KIAA1671: variants seen among roughly 807,000 people sequenced by gnomAD.
KIAA1671 encodes uncharacterized protein KIAA1671.
KIAA1671 carries 52 observed loss-of-function variants against 131.2 expected under a neutral mutation model. That is an observed-to-expected ratio of 0.40 (90% CI 0.32 to 0.50). The LOEUF (loss-of-function observed/expected upper bound fraction) is 0.50, where lower values mean the gene tolerates loss of function less well. Ranked by LOEUF, KIAA1671 falls within the 20% of genes least tolerant of loss-of-function variation. The pLI, the probability that KIAA1671 is intolerant of heterozygous loss-of-function variation, is 0.73. For missense variants in KIAA1671, 2,360 were observed against 2,364.2 expected (o/e 1.00, Z 0.04); for synonymous variants, 1,003 against 961.6 (o/e 1.04, Z -0.80).
At chr22:25,180,483 A>T (rs1934228472) in intron 9 of KIAA1671, among the ~76,000 whole-genome samples, 1 of 152,112 alleles carries the variant, frequency 6.6e-6, no homozygotes, top group East Asian at 1.9e-4. Context: ...GGTTGCAGGG[A>T]GCCGAGATCG....
At position 25,040,080 on chromosome 22, in the gene KIAA1671, G is replaced by A. The variant is rs966675249; in HGVS notation, c.2950G>A (p.Ala984Thr). The A allele has an allele frequency of 3.0e-5, 46 of 1,551,620 alleles. No homozygotes were observed. The highest frequency in any genetic ancestry group is 3.9e-5 in the Admixed American group (2 of 50,990). Reference sequence around the variant, plus strand: ...ACGAACAGATTATGTGAGCCCCACAGCCAGTGCCTTAAGAAAACCTCAACT... The same window carrying A: ...ACGAACAGATTATGTGAGCCCCACAACCAGTGCCTTAAGAAAACCTCAACT... The part of the protein sequence containing the change: ...HRRTDYVSPT[A>T]SALRKPQLSH... Residue 984 changes from alanine to threonine, a missense_variant, in exon 5 of 13, where the codon GCC becomes ACC. Physicochemically the swap from Ala to Thr is moderately conservative, Grantham distance 58. This residue lies in a region of KIAA1671 where 1,161 missense variants were observed against 1,204.7 expected (regional missense o/e 0.96). Transcript: ENST00000358431.
chr22:25,030,907 A>G (rs1015163091), intron 3 of KIAA1671, among the ~76,000 whole-genome samples: 42 of 152,384 alleles, frequency 2.8e-4, no homozygotes, highest in Admixed American at 1.7e-3. Context: ...GCCAAGCCAA[A>G]GCTAGACCAC....
rs112845742 is a variant in KIAA1671 at position 25,105,114 on chromosome 22, C to T, written c.4530+55750C>T. Reference sequence around the variant, plus strand: ...TCTCAGCTCATTGCAACATACCTCCCGGGTTCAAGCAATTCTCCTGCCTCA... The same window carrying T: ...TCTCAGCTCATTGCAACATACCTCCTGGGTTCAAGCAATTCTCCTGCCTCA... On this transcript the variant is annotated intron_variant, in intron 6 of 12. Transcript: ENST00000358431. Among the ~76,000 whole-genome samples, 438 of 152,066 alleles carry T rather than the reference C, an allele frequency of 2.9e-3. 2 individuals are homozygous for T. The highest frequency in any genetic ancestry group is 0.01 in the African/African-American group (420 of 41,456).
intron 6 of KIAA1671, among the ~76,000 whole-genome samples, chr22:25,157,265 A>G (rs766070768): frequency 1.3e-5 from 2 of 152,222 alleles, no homozygotes; most frequent in Non-Finnish European, 2.9e-5. Context: ...TAGTCACGCA[A>G]TTCCTCTCCT....
In KIAA1671 at chr22:25,181,743, G is replaced by GACCCCCGTCT. The variant is rs759731094; in HGVS notation, c.5119_5120insACCCCCGTCT (p.Ala1707AspfsTer8). ...GGAGGAGTCGGATGAGGAGGAGACG[G>GACCCCCGTCT]CATCCAAAGCTGAGAGGACCCCTGT... On this transcript the variant is annotated frameshift_variant, in exon 10 of 13. Transcript: ENST00000358431. LOFTEE classifies it high-confidence loss of function. 5 of 1,551,602 alleles carry GACCCCCGTCT rather than the reference G, an allele frequency of 3.2e-6. No individual in the cohort carries two copies. The East Asian group carries it at 1.2e-4, about 38-fold the overall frequency.
intron 1 of KIAA1671, among the ~76,000 whole-genome samples, chr22:24,987,565 C>T (rs998120530): frequency 6.6e-6 from 1 of 152,134 alleles, no homozygotes. Context: ...CTCCTGGGCT[C>T]AAGTGACCTT....
At chr22:25,182,468 A>G (rs1934328840) in intron 10 of KIAA1671, among the ~76,000 whole-genome samples, 1 of 148,358 alleles carries the variant, frequency 6.7e-6, no homozygotes, top group African/African-American at 2.5e-5. Flanking sequence ...TCCATTTTTG[A>G]AATAGTTTAA....
At chr22:24,998,764 A>T (rs1452664727) in intron 1 of KIAA1671, among the ~76,000 whole-genome samples, 4 of 151,294 alleles carry the variant, frequency 2.6e-5, no homozygotes, top group Non-Finnish European at 5.9e-5. Context: ...CTCATAAATG[A>T]TCACCTATTG....
At chr22:25,189,141 T>TTTTTG (rs1568999865) in intron 11 of KIAA1671, among the ~76,000 whole-genome samples, 2 of 149,382 alleles carry the variant, frequency 1.3e-5, no homozygotes, top group Non-Finnish European at 3.0e-5. Context: ...TTTTTTTTTT[T>TTTTTG]TTTTGTTTTG....
chr22:25,040,670 T>C lies in KIAA1671; in HGVS notation c.3540T>C (p.Asp1180=), dbSNP rs1926869687. The C allele has an allele frequency of 4.5e-6, 7 of 1,552,166 alleles. No individual in the cohort carries two copies. The highest frequency in any genetic ancestry group is 6.1e-6 in the Non-Finnish European group (7 of 1,147,092). Residue 1180 remains aspartate, a synonymous_variant, in exon 5 of 13, where the codon GAT becomes GAC. Transcript: ENST00000358431. Reference sequence around the variant, plus strand: ...ATCTTCCTGTGAGAAGGAAGACTGATGTGATCAGTGACACGTTCCCAGGTA... The same window carrying C: ...ATCTTCCTGTGAGAAGGAAGACTGACGTGATCAGTGACACGTTCCCAGGTA... ...PKDLPVRRKT[D]VISDTFPGKI...
intron 6 of KIAA1671, among the ~76,000 whole-genome samples, chr22:25,161,900 G>A (rs1376356995): frequency 1.3e-5 from 2 of 152,074 alleles, no homozygotes; most frequent in African/African-American, 4.8e-5. Context: ...TTGGTCCTTA[G>A]TTTTCCCCTC....
intron 1 of KIAA1671, among the ~76,000 whole-genome samples, chr22:25,007,553 G>A (rs1924816002): frequency 6.6e-6 from 1 of 151,896 alleles, no homozygotes; most frequent in Non-Finnish European, 1.5e-5. Context: ...GACTCTGGAG[G>A]TGGGGCTCAG....
chr22:24,991,026 T>A (rs958765455), intron 1 of KIAA1671, among the ~76,000 whole-genome samples: 39 of 152,208 alleles, frequency 2.6e-4, no homozygotes, highest in Middle Eastern at 3.4e-3. Context: ...TCTTTAATTT[T>A]ATTTTTATTT....
intron 11 of KIAA1671, among the ~76,000 whole-genome samples, chr22:25,189,866 C>T (rs990766339): frequency 3.9e-5 from 6 of 152,178 alleles, no homozygotes; most frequent in African/African-American, 1.4e-4. Flanking sequence ...CCTGCCTCTG[C>T]CTCCCTAAGT....
Position 25,190,755 on chromosome 22 carries a change from A to G in KIAA1671, c.5396A>G (p.Gln1799Arg). 2.6e-6 allele frequency: 4 copies of G among 1,551,814 alleles called. No individual in the cohort carries two copies. The highest frequency in any genetic ancestry group is 3.5e-6 in the Non-Finnish European group (4 of 1,146,896). Residue 1799 changes from glutamine (Q) to arginine (R), a missense_variant, in exon 12 of 13, where the codon CAA becomes CGA. Gln to Arg is a conservative substitution (Grantham distance 43). Around this residue, in one of 3 missense-constraint regions of KIAA1671, gnomAD observed 1,161 missense variants for 1,204.7 expected, o/e 0.96. Coordinates refer to ENST00000358431, the MANE Select transcript of KIAA1671 (RefSeq NM_001145206.2). Reference sequence around the variant, plus strand: ...AAGGAATTGAAATCCAAGAAGAGGCAAAGTCTTTATGAGAACCAAGTTTGA... The same window carrying G: ...AAGGAATTGAAATCCAAGAAGAGGCGAAGTCTTTATGAGAACCAAGTTTGA... ...WLKELKSKKRQSLYENQV is the reference protein window; with the variant it reads ...WLKELKSKKRRSLYENQV
At chr22:25,003,963 G>A (rs887848508) in intron 1 of KIAA1671, among the ~76,000 whole-genome samples, 7 of 150,594 alleles carry the variant, frequency 4.6e-5, no homozygotes, top group East Asian at 2.0e-4. Context: ...GATTACAGGC[G>A]CGCGCCACCA....
At chr22:25,099,936 G>C (rs972507678) in intron 6 of KIAA1671, among the ~76,000 whole-genome samples, 1 of 152,220 alleles carries the variant, frequency 6.6e-6, no homozygotes, top group Admixed American at 6.5e-5. Context: ...TGATACCTGG[G>C]AGGTAGGTGT....
chr22:24,963,195 C>G (rs2092726), intron 1 of KIAA1671, among the ~76,000 whole-genome samples: 28,551 of 151,550 alleles, frequency 0.19, 3,196 homozygotes, highest in African/African-American at 0.3. Flanking sequence ...GAAACCCCAT[C>G]TCTACTAAAC....
chr22:24,965,284 G>A (rs951394986), intron 1 of KIAA1671, among the ~76,000 whole-genome samples: 6 of 151,390 alleles, frequency 4.0e-5, no homozygotes, highest in Admixed American at 1.3e-4. Context: ...GCATGGTGGC[G>A]TACACTTGTA....
Sources: allele counts gnomAD v4.1 joint callset (sites outside exome capture counted in the v4.1 genomes callset), GRCh38; gene constraint gnomAD v4.1.1; regional missense constraint gnomAD v4.1.1; transcripts MANE v1.5; gene names NCBI Gene and HGNC (gene_info 2026-07-23, HGNC 2026-07-21).